DNAH8: variants seen among roughly 807,000 people sequenced by gnomAD.
DNAH8 encodes the protein dynein axonemal heavy chain 8.
DNAH8 carries 382 observed loss-of-function variants against 562.1 expected under a neutral mutation model. The ratio of observed to expected loss-of-function variants is 0.68; its 90% CI spans 0.63 to 0.74. The LOEUF (loss-of-function observed/expected upper bound fraction) is 0.74, where lower values mean the gene tolerates loss of function less well. Among genes scored for constraint, DNAH8 ranks in the 30% least tolerant of loss-of-function variants. The pLI, the probability that DNAH8 is intolerant of heterozygous loss-of-function variation, is 0.00. For synonymous variants in DNAH8, 1,881 were observed against 1,919.4 expected (o/e 0.98, Z 0.52); for missense variants, 5,203 against 5,620.4 (o/e 0.93, Z 2.37).
At chr6:38,892,112 T>G (rs1327785226) in intron 58 of DNAH8, among the ~76,000 whole-genome samples, 2 of 152,170 alleles carry the variant, frequency 1.3e-5, no homozygotes, top group Admixed American at 6.5e-5. Context: ...ACTGGCTACC[T>G]CATTAAAGTC....
chr6:38,798,861 C>G (rs1770530573), intron 21 of DNAH8, among the ~76,000 whole-genome samples: 1 of 152,268 alleles, frequency 6.6e-6, no homozygotes, highest in South Asian at 2.1e-4. Context: ...ATCACCACCA[C>G]TAGGGCTGAA....
intron 62 of DNAH8, among the ~76,000 whole-genome samples, chr6:38,902,208 C>G (rs1780125157): frequency 6.6e-6 from 1 of 152,198 alleles, no homozygotes; most frequent in South Asian, 2.1e-4. Context: ...ACTCTGCTGA[C>G]TGGGGAGAGA....
intron 17 of DNAH8, among the ~76,000 whole-genome samples, chr6:38,786,526 TG>T (rs1769174975): frequency 6.6e-6 from 1 of 152,238 alleles, no homozygotes; most frequent in Admixed American, 6.5e-5. Context: ...GCACCATTCT[TG>T]GTCAATGTTT....
At chr6:38,876,876 G>A (rs1017984858) in intron 53 of DNAH8, among the ~76,000 whole-genome samples, 9 of 152,276 alleles carry the variant, frequency 5.9e-5, no homozygotes, top group Admixed American at 5.9e-4. Flanking sequence ...GGATTAAGTG[G>A]AAATTTGTGT....
intron 1 of DNAH8, among the ~76,000 whole-genome samples, 193 bp from the exon 2 acceptor site, chr6:38,722,583 G>GGGGGTGT (rs1762844672): frequency 6.7e-6 from 1 of 149,034 alleles, no homozygotes. Flanking sequence ...GGTGGGTGGG[G>GGGGGTGT]GTGTGTGTGT....
chr6:38,940,931 C>CTAAACCACA (rs55709431), intron 79 of DNAH8, among the ~76,000 whole-genome samples: 125,941 of 151,632 alleles, frequency 0.83, 52,702 homozygotes, highest in East Asian at 1. Flanking sequence ...TCCTGGTCAC[C>CTAAACCACA]GGTTTAGGTG....
At chr6:38,782,643 A>T (rs1485790248) in intron 16 of DNAH8, among the ~76,000 whole-genome samples, 3 of 152,092 alleles carry the variant, frequency 2.0e-5, no homozygotes, top group Non-Finnish European at 4.4e-5. Flanking sequence ...GGAATTTAGG[A>T]ATTTGCCCTG....
chr6:38,880,321 T>C (rs571402119), intron 53 of DNAH8, among the ~76,000 whole-genome samples: 3 of 152,232 alleles, frequency 2.0e-5, no homozygotes, highest in Admixed American at 6.5e-5. Flanking sequence ...GTGTAAGATC[T>C]GTATACTAAA....
At chr6:38,870,706 T>C in intron 49 of DNAH8, 144 bp downstream of exon 49, 2 of 837,808 alleles carry the variant, frequency 2.4e-6, no homozygotes, top group East Asian at 2.7e-5. Flanking sequence ...AAAGAATACT[T>C]GGAAGGATGT....
chr6:38,812,134 C>T (rs1771851541), intron 24 of DNAH8, among the ~76,000 whole-genome samples: 1 of 152,094 alleles, frequency 6.6e-6, no homozygotes, highest in Non-Finnish European at 1.5e-5. Context: ...GCCGAGGCCC[C>T]ATCCCTCATT....
At chr6:38,941,086 C>T (rs1323824069) in intron 79 of DNAH8, among the ~76,000 whole-genome samples, 1 of 151,540 alleles carries the variant, frequency 6.6e-6, no homozygotes, top group Non-Finnish European at 1.5e-5. Context: ...TGCCACTGCA[C>T]TCCAGCCTGG....
intron 58 of DNAH8, among the ~76,000 whole-genome samples, chr6:38,893,536 C>T (rs534103380): frequency 6.6e-6 from 1 of 152,210 alleles, no homozygotes; most frequent in African/African-American, 2.4e-5. Context: ...ATAACCTTAC[C>T]GCTTTGAGTA....
At chr6:38,900,778 A>C (rs1406196962) in intron 62 of DNAH8, among the ~76,000 whole-genome samples, 2 of 152,086 alleles carry the variant, frequency 1.3e-5, no homozygotes, top group African/African-American at 2.4e-5. Flanking sequence ...CACCATGCCC[A>C]GCCAATTTTT....
At chr6:38,907,609 A>G (rs554466632) in intron 63 of DNAH8, among the ~76,000 whole-genome samples, 1 of 152,044 alleles carries the variant, frequency 6.6e-6, no homozygotes, top group Admixed American at 6.5e-5. Context: ...TTAATGGTGC[A>G]AAAATTAGTT....
chr6:38,989,789 T>C (rs1257832458), intron 87 of DNAH8, among the ~76,000 whole-genome samples: 1 of 152,172 alleles, frequency 6.6e-6, no homozygotes, highest in African/African-American at 2.4e-5. Context: ...TTGGTGAATA[T>C]CTTCTTTGGT....
intron 68 of DNAH8, among the ~76,000 whole-genome samples, chr6:38,915,777 A>T (rs1261609688): frequency 6.6e-6 from 1 of 152,084 alleles, no homozygotes; most frequent in African/African-American, 2.4e-5. Context: ...CACAGCTGTG[A>T]GGCAAAAGGG....
At chr6:38,817,851 A>G (rs13196250) in intron 26 of DNAH8, among the ~76,000 whole-genome samples, 28,810 of 152,184 alleles carry the variant, frequency 0.19, 3,147 homozygotes, top group Middle Eastern at 0.23. Flanking sequence ...AGTTCCTTCA[A>G]GGGCTGATCA....
At chr6:39,019,175 G>T (rs1766745538) in intron 91 of DNAH8, among the ~76,000 whole-genome samples, 1 of 152,132 alleles carries the variant, frequency 6.6e-6, no homozygotes, top group Non-Finnish European at 1.5e-5. Context: ...CAATCCCAGG[G>T]AGGAGGTAAA....
intron 1 of DNAH8, among the ~76,000 whole-genome samples, chr6:38,717,048 C>G (rs1762395510): frequency 6.6e-6 from 1 of 152,074 alleles, no homozygotes; most frequent in East Asian, 1.9e-4. Flanking sequence ...AAACCAAAAC[C>G]CAAACCAAAA....
Sources: gnomAD v4.1 joint callset for allele counts (sites outside exome capture counted in the v4.1 genomes callset) on GRCh38, gnomAD v4.1.1 for gene constraint, MANE v1.5 for transcripts, NCBI Gene and HGNC (gene_info 2026-07-23, HGNC 2026-07-21) for gene names.